MEI4: variants seen among roughly 807,000 people sequenced by gnomAD.
MEI4 encodes meiotic double-stranded break formation protein 4.
In MEI4, 27 loss-of-function variants were observed where a neutral mutation model predicts 31.4. The observed-to-expected ratio is 0.86, with a 90% CI of 0.63 to 1.19. The LOEUF is 1.19. Ranked by LOEUF, MEI4 falls within the 50% of genes most tolerant of loss-of-function variation. The pLI is 0.00. For synonymous variants in MEI4, 122 were observed against 145.4 expected, an observed-to-expected ratio of 0.84 and a Z score of 1.16; for missense variants, 329 against 398.9, an observed-to-expected ratio of 0.82 and a Z score of 1.49.
chr6:77,828,292 C>G (rs1280775454), intron 3 of MEI4, among the ~76,000 whole-genome samples: 2 of 148,770 alleles, frequency 1.3e-5, no homozygotes, highest in African/African-American at 5.0e-5. Context: ...TGTTAGAAAC[C>G]AGGCCACACA....
intron 1 of MEI4, among the ~76,000 whole-genome samples, chr6:77,677,272 A>T (rs1485461789): frequency 6.6e-6 from 1 of 152,156 alleles, no homozygotes; most frequent in Non-Finnish European, 1.5e-5. Context: ...ATGATTTCTC[A>T]ATATCCATCT....
intron 4 of MEI4, among the ~76,000 whole-genome samples, chr6:77,917,945 T>A (rs1766602337): frequency 6.6e-6 from 1 of 150,676 alleles, no homozygotes; most frequent in Non-Finnish European, 1.5e-5. Context: ...GATTTTTGTA[T>A]AAGGTGTAAG....
intron 4 of MEI4, among the ~76,000 whole-genome samples, chr6:77,836,226 C>T (rs189647250): frequency 3.2e-4 from 48 of 152,018 alleles, no homozygotes; most frequent in African/African-American, 1.1e-3. Context: ...TGTTTTTCTC[C>T]GAGATGCAGT....
At chr6:77,773,373 A>G (rs1402588560) in intron 3 of MEI4, among the ~76,000 whole-genome samples, 1 of 152,000 alleles carries the variant, frequency 6.6e-6, no homozygotes, top group African/African-American at 2.4e-5. Flanking sequence ...ACCCAGAAAT[A>G]AATCTACCCA....
chr6:77,672,862 G>A (rs1445587386), intron 1 of MEI4, among the ~76,000 whole-genome samples: 1 of 152,130 alleles, frequency 6.6e-6, no homozygotes, highest in Non-Finnish European at 1.5e-5. Flanking sequence ...AGTGAGAAGG[G>A]ATATATATGT....
intron 1 of MEI4, among the ~76,000 whole-genome samples, chr6:77,660,660 A>G (rs1387307225): frequency 2.0e-5 from 3 of 152,162 alleles, no homozygotes; most frequent in Admixed American, 6.5e-5. Flanking sequence ...TATTAGGCTC[A>G]TAAGGGTTAT....
chr6:77,799,594 C>T (rs1769187308), intron 3 of MEI4, among the ~76,000 whole-genome samples: 1 of 152,048 alleles, frequency 6.6e-6, no homozygotes, highest in Admixed American at 6.5e-5. Flanking sequence ...ATGGTAATAC[C>T]TAGGTTTTCT....
At chr6:77,702,024 T>C (rs1190173399) in intron 2 of MEI4, among the ~76,000 whole-genome samples, 1 of 152,194 alleles carries the variant, frequency 6.6e-6, no homozygotes, top group East Asian at 1.9e-4. Context: ...ACTGTTCCAT[T>C]GCCTCCCCAG....
chr6:77,665,371 C>A (rs1488653297), intron 1 of MEI4, among the ~76,000 whole-genome samples: 1 of 151,744 alleles, frequency 6.6e-6, no homozygotes, highest in Non-Finnish European at 1.5e-5. Context: ...GCGGGACTTG[C>A]CGCTAAGGGT....
chr6:77,876,998 A>G (rs989977888), intron 4 of MEI4, among the ~76,000 whole-genome samples: 3 of 152,140 alleles, frequency 2.0e-5, no homozygotes, highest in Admixed American at 1.3e-4. Context: ...TCTTCTATTA[A>G]TCTCTTGCAG....
intron 1 of MEI4, among the ~76,000 whole-genome samples, chr6:77,681,523 G>A (rs1380897635): frequency 6.6e-6 from 1 of 152,110 alleles, no homozygotes; most frequent in Non-Finnish European, 1.5e-5. Flanking sequence ...ATTGCTGGTT[G>A]TGCCATGTGT....
At chr6:77,754,934 C>A (rs192928553) in intron 2 of MEI4, among the ~76,000 whole-genome samples, 1 of 152,108 alleles carries the variant, frequency 6.6e-6, no homozygotes, top group African/African-American at 2.4e-5. Context: ...GTGGGTATTA[C>A]AGTTTGAGAT....
At chr6:77,844,433 T>A (rs1770432577) in intron 4 of MEI4, among the ~76,000 whole-genome samples, 1 of 152,144 alleles carries the variant, frequency 6.6e-6, no homozygotes, top group Non-Finnish European at 1.5e-5. Context: ...TCCATCAATA[T>A]ATGAATACAC....
intron 2 of MEI4, among the ~76,000 whole-genome samples, chr6:77,759,130 G>A (rs925559): frequency 0.092 from 14,010 of 152,064 alleles, 937 homozygotes; most frequent in East Asian, 0.31. Context: ...TCAACCTATT[G>A]TTTTGGTGGA....
intron 3 of MEI4, among the ~76,000 whole-genome samples, chr6:77,796,255 A>G (rs1037704861): frequency 2.0e-5 from 3 of 152,192 alleles, no homozygotes; most frequent in Non-Finnish European, 2.9e-5. Context: ...TGATAAATCC[A>G]TAGCTAACAT....
At chr6:77,753,459 T>C (rs1347479315) in intron 2 of MEI4, among the ~76,000 whole-genome samples, 2 of 152,098 alleles carry the variant, frequency 1.3e-5, no homozygotes, top group Non-Finnish European at 2.9e-5. Flanking sequence ...CAGACACTTC[T>C]CAAAAGAAGG....
rs966151942 is a variant in MEI4, at chr6:77,714,249, A to G, written c.232+23346A>G. Among the ~76,000 whole-genome samples, 8 of 151,978 alleles carry G rather than the reference A, an allele frequency of 5.3e-5. No individual in the cohort carries two copies. In the East Asian group the frequency reaches 1.5e-3, roughly 29 times the overall value. ...ACACTTAAAAATTTAAAAAAAAAACAAAACAGAAAAGTAAAGCAAACAACA... is the reference window on the plus strand; with the variant it reads ...ACACTTAAAAATTTAAAAAAAAAACGAAACAGAAAAGTAAAGCAAACAACA... On this transcript the variant is annotated intron_variant, in intron 2 of 4. Coordinates refer to ENST00000684080, the MANE Select transcript of MEI4 (RefSeq NM_001322247.2).
At chr6:77,728,077 G>A (rs1490993319) in intron 2 of MEI4, among the ~76,000 whole-genome samples, 1 of 152,142 alleles carries the variant, frequency 6.6e-6, no homozygotes, top group African/African-American at 2.4e-5. Flanking sequence ...ATTGGAAGGT[G>A]AATTAAAATT....
chr6:77,923,119 G>A lies in MEI4; in HGVS notation c.931G>A (p.Glu311Lys). ...EQASYDVSRY[E>K]NIFYLFWVLE... ...AGCCAGTTATGATGTGTCACGCTAT[G>A]AAAACATTTTCTACCTGTTCTGGGT... The change falls in exon 5 of 5, where the codon GAA becomes AAA. Residue 311 changes from glutamate (E) to lysine (K), a missense_variant. Physicochemically the swap from Glu to Lys is moderately conservative, Grantham distance 56. Coordinates refer to ENST00000684080, the MANE Select transcript of MEI4 (RefSeq NM_001322247.2). The A allele has an allele frequency of 8.1e-7, 1 of 1,230,382 alleles. No homozygotes were observed. The allele number at this position is 1,230,382 out of a possible 1,614,324, so 76.2% of individuals were successfully genotyped here. A position where few individuals can be genotyped will look rare whatever the true frequency, so the allele number is the denominator to read the frequency against.
Sources: allele counts gnomAD v4.1 joint callset (sites outside exome capture counted in the v4.1 genomes callset), GRCh38; gene constraint gnomAD v4.1.1; transcripts MANE v1.5; gene names NCBI Gene and HGNC (gene_info 2026-07-23, HGNC 2026-07-21).